BCAS3: variants seen among roughly 807,000 people sequenced by gnomAD.
BCAS3 encodes BCAS4/BCAS3 fusion.
In BCAS3, 53 loss-of-function variants were observed where a neutral mutation model predicts 116.1. The observed-to-expected ratio is 0.46, with a 90% confidence interval of 0.37 to 0.57. The LOEUF is 0.57. Ranked by LOEUF, BCAS3 falls within the 20% of genes least tolerant of loss-of-function variation. BCAS3 has a pLI of 0.00. For synonymous variants in BCAS3, 391 were observed against 408.2 expected, an observed-to-expected ratio of 0.96 and a Z score of 0.51; for missense variants, 917 against 1,165.4, an observed-to-expected ratio of 0.79 and a Z score of 3.10.
chr17:60,701,808 A>AC (rs201404446), intron 4 of BCAS3, among the ~76,000 whole-genome samples: 6,733 of 144,272 alleles, frequency 0.047, 571 homozygotes, highest in African/African-American at 0.18. Flanking sequence ...AAAAATACAA[A>AC]AAAAAAAAAA....
chr17:60,769,358 C>T (rs1408568610), intron 6 of BCAS3, among the ~76,000 whole-genome samples: 1 of 152,084 alleles, frequency 6.6e-6, no homozygotes, highest in African/African-American at 2.4e-5. Flanking sequence ...AGGGAGGTAG[C>T]TGTGGGATGT....
chr17:61,206,058 T>A (rs1178366960), intron 22 of BCAS3, among the ~76,000 whole-genome samples: 1 of 152,236 alleles, frequency 6.6e-6, no homozygotes, highest in Non-Finnish European at 1.5e-5. Flanking sequence ...CTTTTACGTC[T>A]GTAGGTTTTT....
intron 4 of BCAS3, among the ~76,000 whole-genome samples, chr17:60,690,586 T>C (rs989613427): frequency 5.6e-5 from 8 of 143,870 alleles, no homozygotes; most frequent in African/African-American, 2.1e-4. Flanking sequence ...AATAAATAAA[T>C]ACAGTTAAAT....
rs1178133870 is a variant in BCAS3, at chr17:61,037,269, C to T, written c.1763-620C>T. ...AGTTAGTCCATTTCCTGATATCATT[C>T]ATTTTTCATAATGTGGGACAAATTA... On this transcript the variant is annotated intron_variant, in intron 17 of 23. Transcript: ENST00000407086. The surrounding 1 kb of genome is among the most constrained non-coding windows in gnomAD (Gnocchi z 4.7). 1.3e-5 allele frequency among the ~76,000 whole-genome samples: 2 copies of T among 152,146 alleles called. No individual in the cohort carries two copies. Among genetic ancestry groups the T allele is most frequent in the Non-Finnish European group, 2.9e-5 (2 of 68,022 alleles).
In BCAS3 at chr17:61,276,115, C is replaced by T. The variant is rs934355256; in HGVS notation, c.2426-92212C>T. ...CGTGTAATCTCAGCACTTTGGGAGG[C>T]TGAGGTGGGCGGATCATGAGGTCAG... is the stretch of plus-strand genomic sequence containing the variant. On this transcript the variant is annotated intron_variant, in intron 22 of 23. Transcript: ENST00000407086. The surrounding 1 kb of genome is among the most constrained non-coding windows in gnomAD (Gnocchi z 4.2). Among the ~76,000 whole-genome samples, 2 of 152,202 alleles carry T rather than the reference C, an allele frequency of 1.3e-5. No individual in the cohort carries two copies. The highest frequency in any genetic ancestry group is 4.8e-5 in the African/African-American group (2 of 41,520).
intron 22 of BCAS3, among the ~76,000 whole-genome samples, chr17:61,157,716 G>T (rs1311298791): frequency 1.3e-5 from 2 of 151,328 alleles, no homozygotes; most frequent in South Asian, 2.1e-4. Context: ...GCGCCAGCCT[G>T]CAATCATATG....
chr17:61,163,461 A>G (rs2078291327), intron 22 of BCAS3, among the ~76,000 whole-genome samples: 1 of 151,804 alleles, frequency 6.6e-6, no homozygotes, highest in South Asian at 2.1e-4. Context: ...TTTCTATGCT[A>G]AAATTTAACA....
rs1466362569 is a variant in BCAS3, at chr17:61,367,361, A to C, written c.2426-966A>C. 6.6e-6 allele frequency among the ~76,000 whole-genome samples: 1 copy of C among 152,246 alleles called. No individual in the cohort carries two copies. Among genetic ancestry groups the C allele is most frequent in the Admixed American group, 6.5e-5 (1 of 15,288 alleles). On this transcript the variant is annotated intron_variant, in intron 22 of 23. Coordinates refer to ENST00000407086, the MANE Select transcript of BCAS3 (RefSeq NM_017679.5). The surrounding 1 kb of genome is among the most constrained non-coding windows in gnomAD (Gnocchi z 6.2). ...GAGAGTGGATGAAATAAGCTTTCAC[A>C]GAAGACTTGCTGTATAATAAAGTAG...
intron 7 of BCAS3, among the ~76,000 whole-genome samples, chr17:60,820,809 G>A (rs1484585504): frequency 6.6e-6 from 1 of 152,110 alleles, no homozygotes; most frequent in African/African-American, 2.4e-5. Context: ...TCAAACCAGA[G>A]GACATGGTTA....
rs1322951826 is a variant in BCAS3 at position 61,224,164 on chromosome 17, A to G, written c.2425+139600A>G. On this transcript the variant is annotated intron_variant, in intron 22 of 23. Transcript: ENST00000407086. This position sits in a 1 kb window ranked among gnomAD's most constrained non-coding sequence, Gnocchi z 5.7. ...CTTTATCTTTATTATTTTCCCATTG[A>G]TTTATAAGAGAAATCTTTAAGCATC... 6.6e-6 allele frequency among the ~76,000 whole-genome samples: 1 copy of G among 152,170 alleles called. No individual in the cohort carries two copies. The highest frequency in any genetic ancestry group is 2.4e-5 in the African/African-American group (1 of 41,420).
intron 6 of BCAS3, among the ~76,000 whole-genome samples, chr17:60,760,317 G>A (rs1030094547): frequency 5.9e-5 from 9 of 152,058 alleles, no homozygotes; most frequent in Admixed American, 2.0e-4. Context: ...GCATTTTCAT[G>A]ATAGGGTATG....
chr17:60,958,628 C>T (rs2061261605), intron 14 of BCAS3, among the ~76,000 whole-genome samples: 1 of 152,190 alleles, frequency 6.6e-6, no homozygotes, highest in African/African-American at 2.4e-5. Context: ...CAGATTTATC[C>T]ATAGACTCGA....
At chr17:60,735,591 C>CCACAG (rs141382180) in intron 5 of BCAS3, among the ~76,000 whole-genome samples, 4,781 of 152,044 alleles carry the variant, frequency 0.031, 237 homozygotes, top group African/African-American at 0.1. Context: ...GTAGCTGGGA[C>CCACAG]CACAGGTGCA....
At chr17:60,988,993 CT>C (rs935753125) in intron 14 of BCAS3, among the ~76,000 whole-genome samples, 16 of 150,280 alleles carry the variant, frequency 1.1e-4, no homozygotes, top group African/African-American at 2.7e-4. Flanking sequence ...TGAAGTTTTC[CT>C]TTTTTTTTAT....
intron 7 of BCAS3, chr17:60,851,509 A>G: frequency 1.7e-6 from 1 of 589,340 alleles, no homozygotes. Context: ...GCAGCAGCAA[A>G]GCATTGAAAC....
rs1292545103 is a variant in BCAS3, at chr17:60,703,928, AG to A, written c.215-5290del. On this transcript the variant is annotated intron_variant, in intron 4 of 23. Transcript: ENST00000407086. The stretch of plus-strand genomic sequence containing the variant: ...ACAGACACCGTCTCAAAAAAAAAAA[AG>A]AAAAAAAGAAAAAAAAAAGAAAGAC... Among the ~76,000 whole-genome samples the A allele has an allele frequency of 7.6e-3, 1,147 of 150,672 alleles. 27 individuals are homozygous for A. Among genetic ancestry groups the A allele is most frequent in the African/African-American group, 0.025 (1,011 of 40,396 alleles).
intron 22 of BCAS3, among the ~76,000 whole-genome samples, chr17:61,338,833 C>G (rs1742546373): frequency 7.1e-6 from 1 of 141,100 alleles, no homozygotes; most frequent in South Asian, 2.2e-4. Context: ...TTCAGTGTCC[C>G]AAGGCAAATT....
At chr17:60,900,384 T>C (rs745992195) in intron 10 of BCAS3, among the ~76,000 whole-genome samples, 4 of 151,952 alleles carry the variant, frequency 2.6e-5, no homozygotes, top group Admixed American at 6.5e-5. Flanking sequence ...TAAGATTGCA[T>C]GGTTCCATGG....
rs1051831081 is a variant in BCAS3 at position 61,032,444 on chromosome 17, A to G, written c.1638-2222A>G. On this transcript the variant is annotated intron_variant, in intron 16 of 23. Coordinates refer to ENST00000407086, the MANE Select transcript of BCAS3 (RefSeq NM_017679.5). The surrounding 1 kb of genome is among the most constrained non-coding windows in gnomAD (Gnocchi z 4.6). ...TCTTCCCAAAACTCCTAAGGATTAA[A>G]AATGACCAGTGGTACCTCAAAGATA... Among the ~76,000 whole-genome samples, 1 of 152,160 alleles carries G rather than the reference A, an allele frequency of 6.6e-6. No individual in the cohort carries two copies. The highest frequency in any genetic ancestry group is 2.4e-5 in the African/African-American group (1 of 41,444).
Sources: allele counts gnomAD v4.1 joint callset (sites outside exome capture counted in the v4.1 genomes callset), GRCh38; gene constraint gnomAD v4.1.1; non-coding constraint Gnocchi (gnomAD v3.1); transcripts MANE v1.5; gene names NCBI Gene and HGNC (gene_info 2026-07-23, HGNC 2026-07-21).